Variants in TMCC3 observed in about 807,000 individuals in gnomAD.
The protein encoded by TMCC3 is transmembrane and coiled-coil domain protein 3.
In TMCC3, 28 loss-of-function variants were observed where a neutral mutation model predicts 40.2. The ratio of observed to expected loss-of-function variants is 0.70; its 90% CI spans 0.52 to 0.95. TMCC3 has a LOEUF of 0.95. Ranked by LOEUF, TMCC3 falls within the 40% of genes least tolerant of loss-of-function variation. TMCC3 has a pLI of 0.00. For missense variants in TMCC3, 554 were observed against 615.2 expected (o/e 0.90, Z 1.05); for synonymous variants, 255 against 248.5 (o/e 1.03, Z -0.25).
chr12:94,608,931 T>C (rs1025597025), intron 1 of TMCC3, among the ~76,000 whole-genome samples: 2 of 152,202 alleles, frequency 1.3e-5, no homozygotes, highest in Non-Finnish European at 2.9e-5. Context: ...GTTTAGTGTA[T>C]CAAACATATC....
chr12:94,640,973 G>A (rs552932324), intron 1 of TMCC3, among the ~76,000 whole-genome samples: 74 of 152,330 alleles, frequency 4.9e-4, no homozygotes, highest in Non-Finnish European at 9.7e-4. Flanking sequence ...GCCAAGGCAG[G>A]CAGATCACCT....
At chr12:94,585,634 T>C (rs1594271161) in intron 1 of TMCC3, among the ~76,000 whole-genome samples, 1 of 151,842 alleles carries the variant, frequency 6.6e-6, no homozygotes, top group Non-Finnish European at 1.5e-5. Flanking sequence ...GAGGTGGAGG[T>C]TGCAGTGAGC....
At chr12:94,629,054 A>G (rs996521938) in intron 1 of TMCC3, among the ~76,000 whole-genome samples, 2 of 152,210 alleles carry the variant, frequency 1.3e-5, no homozygotes, top group East Asian at 3.8e-4. Flanking sequence ...CTTCTGCAGC[A>G]TCCTTCTTCC....
intron 1 of TMCC3, among the ~76,000 whole-genome samples, chr12:94,648,477 G>C (rs1043822049): frequency 6.6e-6 from 1 of 152,046 alleles, no homozygotes; most frequent in African/African-American, 2.4e-5. Context: ...CACCTATCTC[G>C]GCCTCTCAAA....
Position 94,570,752 on chromosome 12 carries a change from G to C in TMCC3, c.*683C>G, listed in dbSNP as rs2068522149. ...GCCAGTTGAGACAAAATCAGGTGTT[G>C]GTTGCCTGGGTATGAGAAGGTGAAA... On this transcript the variant is annotated 3_prime_UTR_variant, in exon 4 of 4. Transcript: ENST00000261226. 1 of 152,712 alleles carries C rather than the reference G, an allele frequency of 6.5e-6. No individual in the cohort carries two copies. The highest frequency in any genetic ancestry group is 1.5e-5 in the Non-Finnish European group (1 of 68,114). 9.5% of individuals were successfully genotyped at this position (152,712 alleles called of 1,614,324 possible).
At chr12:94,574,759 T>C (rs2068554024) in intron 3 of TMCC3, among the ~76,000 whole-genome samples, 1 of 152,252 alleles carries the variant, frequency 6.6e-6, no homozygotes, top group South Asian at 2.1e-4. Flanking sequence ...TCTTTTCAAC[T>C]ACTTGGGTCC....
rs542837045 is a variant in TMCC3 at position 94,638,460 on chromosome 12, C to A, written c.78+11893G>T. On this transcript the variant is annotated intron_variant, in intron 1 of 3. Transcript: ENST00000261226. Reference sequence around the variant, plus strand: ...AAGCATCTTCACATGCATCCCTCGACCATATCCTTTCACCCATTCTGCATT... The same window carrying A: ...AAGCATCTTCACATGCATCCCTCGAACATATCCTTTCACCCATTCTGCATT... 2.0e-5 allele frequency among the ~76,000 whole-genome samples: 3 copies of A among 152,322 alleles called. No individual in the cohort carries two copies. In the South Asian group the frequency reaches 6.2e-4, roughly 32 times the overall value.
At chr12:94,642,660 C>G (rs975795816) in intron 1 of TMCC3, among the ~76,000 whole-genome samples, 1 of 152,222 alleles carries the variant, frequency 6.6e-6, no homozygotes, top group Non-Finnish European at 1.5e-5. Flanking sequence ...GGAAATCACA[C>G]CCACGGTCTC....
chr12:94,610,494 A>C (rs1214314505), intron 1 of TMCC3, among the ~76,000 whole-genome samples: 1 of 152,080 alleles, frequency 6.6e-6, no homozygotes, highest in Admixed American at 6.6e-5. Context: ...AAATATTTAC[A>C]AGTCTTCTGC....
chr12:94,624,857 T>C (rs1011799843), intron 1 of TMCC3, among the ~76,000 whole-genome samples: 1 of 149,732 alleles, frequency 6.7e-6, no homozygotes, highest in African/African-American at 2.5e-5. Context: ...TGTTCGAAAA[T>C]GGGCCAGGTG....
chr12:94,641,953 G>A (rs2068993501), intron 1 of TMCC3, among the ~76,000 whole-genome samples: 1 of 151,462 alleles, frequency 6.6e-6, no homozygotes, highest in East Asian at 1.9e-4. Flanking sequence ...CAACAATACA[G>A]TGCAAAGTAG....
intron 1 of TMCC3, among the ~76,000 whole-genome samples, chr12:94,620,608 A>C (rs1042389617): frequency 6.6e-6 from 1 of 151,580 alleles, no homozygotes; most frequent in Admixed American, 6.6e-5. Flanking sequence ...TTTTTTTTTC[A>C]AATGAATTCA....
At chr12:94,629,324 T>C (rs2068919849) in intron 1 of TMCC3, among the ~76,000 whole-genome samples, 1 of 152,180 alleles carries the variant, frequency 6.6e-6, no homozygotes, top group African/African-American at 2.4e-5. Context: ...TCCTCCAGTC[T>C]AGAGTCTCTC....
intron 1 of TMCC3, among the ~76,000 whole-genome samples, chr12:94,647,280 G>C (rs375112515): frequency 3.3e-5 from 5 of 152,114 alleles, no homozygotes; most frequent in Non-Finnish European, 5.9e-5. Flanking sequence ...TTTCACTAAG[G>C]GGGGAGGGGT....
chr12:94,587,445 C>A (rs774049342), intron 1 of TMCC3, among the ~76,000 whole-genome samples: 5 of 152,156 alleles, frequency 3.3e-5, no homozygotes, highest in Admixed American at 6.5e-5. Flanking sequence ...CCAAGGGCTC[C>A]GGAAACAGAC....
At chr12:94,614,537 T>A (rs2068837010) in intron 1 of TMCC3, among the ~76,000 whole-genome samples, 1 of 152,216 alleles carries the variant, frequency 6.6e-6, no homozygotes, top group Non-Finnish European at 1.5e-5. Flanking sequence ...GGACAAGCCC[T>A]GTTCCCACAT....
chr12:94,633,452 T>G (rs978560533), intron 1 of TMCC3, among the ~76,000 whole-genome samples: 5 of 152,244 alleles, frequency 3.3e-5, no homozygotes, highest in African/African-American at 1.2e-4. Context: ...TAAAATTTTT[T>G]TCCATGTTTG....
At chr12:94,581,425 G>A (rs1039874819) in intron 2 of TMCC3, among the ~76,000 whole-genome samples, 197 bp downstream of exon 2, 2 of 152,090 alleles carry the variant, frequency 1.3e-5, no homozygotes, top group Non-Finnish European at 2.9e-5. Flanking sequence ...TATTGAAAAT[G>A]TAACCATAAG....
chr12:94,589,401 G>A (rs566950156), intron 1 of TMCC3, among the ~76,000 whole-genome samples: 3 of 152,258 alleles, frequency 2.0e-5, no homozygotes, highest in Admixed American at 6.5e-5. Flanking sequence ...AGGTTACGGT[G>A]GGGCCTCTAC....
Sources: gnomAD v4.1 joint callset for allele counts (sites outside exome capture counted in the v4.1 genomes callset) on GRCh38, gnomAD v4.1.1 for gene constraint, MANE v1.5 for transcripts, NCBI Gene and HGNC (gene_info 2026-07-23, HGNC 2026-07-21) for gene names.